The following PTGER3 variants were observed in gnomAD, a reference collection of about 807,000 sequenced individuals.
PTGER3 encodes prostaglandin E2 receptor EP3 subtype.
A neutral mutation model predicts 34.7 loss-of-function variants in PTGER3; 22 were observed. The ratio of observed to expected loss-of-function variants is 0.63; its 90% CI spans 0.45 to 0.91. PTGER3 has a LOEUF of 0.91. Ranked by LOEUF, PTGER3 falls within the 40% of genes least tolerant of loss-of-function variation. The pLI is 0.00. For missense variants in PTGER3, 468 were observed against 519.4 expected, an observed-to-expected ratio of 0.90 and a Z score of 0.96; for synonymous variants, 241 against 230.1, an observed-to-expected ratio of 1.05 and a Z score of -0.43.
intron 2 of PTGER3, among the ~76,000 whole-genome samples, chr1:70,999,049 G>A (rs1434860214): frequency 2.0e-5 from 3 of 152,024 alleles, no homozygotes; most frequent in Non-Finnish European, 2.9e-5. Flanking sequence ...GCGTGGTGGC[G>A]GGCGCCTGTA....
At chr1:70,925,535 G>C (rs1647984526) in intron 4 of PTGER3, among the ~76,000 whole-genome samples, 1 of 152,110 alleles carries the variant, frequency 6.6e-6, no homozygotes, top group African/African-American at 2.4e-5. Flanking sequence ...ATCAAAAAGA[G>C]AGTAGACAAA....
chr1:71,047,727 C>T lies in PTGER3; in HGVS notation c.-150G>A. Reference sequence around the variant, plus strand: ...GGGGCGCAGCCGCCGCCCTACTCCGCTGCTGGGACCGCGGCCGCGGCGGCG... The same window carrying T: ...GGGGCGCAGCCGCCGCCCTACTCCGTTGCTGGGACCGCGGCCGCGGCGGCG... On this transcript the variant is annotated 5_prime_UTR_variant, in exon 1 of 4. Transcript: ENST00000306666. 1 of 808,962 alleles carries T rather than the reference C, an allele frequency of 1.2e-6. No homozygotes were observed. The highest frequency in any genetic ancestry group is 1.7e-6 in the Non-Finnish European group (1 of 598,208). The allele number at this position is 808,962 out of a possible 1,614,324, so 50.1% of individuals were successfully genotyped here.
At chr1:70,898,013 G>A (rs1050342292) in intron 4 of PTGER3, among the ~76,000 whole-genome samples, 2 of 145,378 alleles carry the variant, frequency 1.4e-5, no homozygotes, top group Non-Finnish European at 3.0e-5. Context: ...AAAAAAAAAA[G>A]TGAGGGTTGG....
intron 4 of PTGER3, among the ~76,000 whole-genome samples, chr1:70,858,448 T>C (rs770345381): frequency 5.3e-5 from 8 of 152,178 alleles, no homozygotes; most frequent in Non-Finnish European, 1.2e-4. Flanking sequence ...TTTCCTATTA[T>C]TAATAAAGAC....
chr1:70,966,767 A>G (rs1652566019), downstream of PTGER3, among the ~76,000 whole-genome samples: 1 of 152,138 alleles, frequency 6.6e-6, no homozygotes, highest in Non-Finnish European at 1.5e-5. Context: ...TGTCCCTGCA[A>G]AGGACATGAT....
At chr1:70,878,113 G>T (rs374044180) in intron 4 of PTGER3, among the ~76,000 whole-genome samples, 1 of 152,036 alleles carries the variant, frequency 6.6e-6, no homozygotes, top group Non-Finnish European at 1.5e-5. Flanking sequence ...GGCTTCTTCT[G>T]GTTGGTAGGC....
chr1:71,000,142 A>G (rs1435458681), intron 2 of PTGER3, among the ~76,000 whole-genome samples: 1 of 152,356 alleles, frequency 6.6e-6, no homozygotes, highest in East Asian at 1.9e-4. Flanking sequence ...ACCCTCGAAG[A>G]TAAACTTGAA....
intron 2 of PTGER3, among the ~76,000 whole-genome samples, chr1:71,004,582 G>T (rs1215739430): frequency 6.6e-6 from 1 of 152,236 alleles, no homozygotes; most frequent in Non-Finnish European, 1.5e-5. Context: ...CCTTCGGAGA[G>T]AATTGTCTGG....
intron 2 of PTGER3, among the ~76,000 whole-genome samples, chr1:70,989,007 T>C (rs1655184356): frequency 6.6e-6 from 1 of 152,158 alleles, no homozygotes; most frequent in Non-Finnish European, 1.5e-5. Context: ...AGTTCCATGA[T>C]AATTTCAAAT....
intron 2 of PTGER3, among the ~76,000 whole-genome samples, chr1:70,981,934 A>C (rs768599671): frequency 6.6e-6 from 1 of 152,100 alleles, no homozygotes; most frequent in Non-Finnish European, 1.5e-5. Context: ...ATCCTCACTC[A>C]GAATGGGCTC....
At chr1:70,858,879 A>G (rs1189982426) in intron 4 of PTGER3, among the ~76,000 whole-genome samples, 1 of 152,250 alleles carries the variant, frequency 6.6e-6, no homozygotes, top group Admixed American at 6.5e-5. Flanking sequence ...GCAAAATGCT[A>G]TAGAAATAAT....
downstream of PTGER3, chr1:70,951,611 A>G (rs1474595055): frequency 2.6e-5 from 4 of 152,238 alleles, no homozygotes; most frequent in East Asian, 1.9e-4. Flanking sequence ...AAGGAAAAGA[A>G]TAACAATATT....
chr1:70,994,019 G>C (rs1655701521), intron 2 of PTGER3, among the ~76,000 whole-genome samples: 2 of 152,104 alleles, frequency 1.3e-5, no homozygotes, highest in African/African-American at 2.4e-5. Context: ...AAAAGGGCTG[G>C]GAGCAAGGAT....
chr1:71,047,009 A>C lies in PTGER3; in HGVS notation c.569T>G (p.Leu190Arg). 1 of 1,611,274 alleles carries C rather than the reference A, an allele frequency of 6.2e-7. No individual in the cohort carries two copies. The highest frequency in any genetic ancestry group is 8.5e-7 in the Non-Finnish European group (1 of 1,179,086). The change falls in exon 1 of 4, where the codon CTG becomes CGG. Residue 190 changes from leucine to arginine, a missense_variant. Leu to Arg is a moderately radical substitution (Grantham distance 102). Coordinates refer to ENST00000306666, the MANE Select transcript of PTGER3 (RefSeq NM_198719.2). ...CTGGCCCACGCCCAGCACCGGCAGC[A>C]GGGCGAAGGCGAGCACGGCCAGCCA... is the stretch of plus-strand genomic sequence containing the variant. ...GVWLAVLAFALLPVLGVGQYT... is the reference protein window; with the variant it reads ...GVWLAVLAFARLPVLGVGQYT...
intron 4 of PTGER3, among the ~76,000 whole-genome samples, chr1:70,885,719 A>G (rs1391493255): frequency 6.6e-6 from 1 of 152,156 alleles, no homozygotes; most frequent in Admixed American, 6.5e-5. Context: ...CCAAGCTCAC[A>G]GTCTAGCTGA....
chr1:71,039,348 GA>G (rs1311605960), intron 1 of PTGER3, among the ~76,000 whole-genome samples: 1 of 151,988 alleles, frequency 6.6e-6, no homozygotes, highest in Non-Finnish European at 1.5e-5. Flanking sequence ...CAGGGGGAGG[GA>G]AGGAGGGATG....
At chr1:70,886,310 A>G (rs1352274479) in intron 4 of PTGER3, 1 of 451,114 alleles carries the variant, frequency 2.2e-6, no homozygotes, top group African/African-American at 2.0e-5. Context: ...CCTGATCCTG[A>G]ACTTGCCGGC....
At position 70,902,384 on chromosome 1, in the gene PTGER3, T is replaced by C. The variant is rs116122902; in HGVS notation, c.*24-49525A>G. Reference sequence around the variant, plus strand: ...ACCTCTGCTGAAAAGGTACCACATGTCTGGCAACTGGCCATAGGCAGTAGG... The same window carrying C: ...ACCTCTGCTGAAAAGGTACCACATGCCTGGCAACTGGCCATAGGCAGTAGG... On this transcript the variant is annotated intron_variant, in intron 4 of 4. Coordinates refer to the PTGER3 transcript ENST00000370931. Among the ~76,000 whole-genome samples, 929 of 152,304 alleles carry C rather than the reference T, an allele frequency of 6.1e-3. 4 individuals carry two copies. The highest frequency in any genetic ancestry group is 0.021 in the African/African-American group (876 of 41,558).
chr1:71,036,971 T>C (rs907692457), intron 1 of PTGER3, among the ~76,000 whole-genome samples: 1 of 144,352 alleles, frequency 6.9e-6, no homozygotes, highest in African/African-American at 2.6e-5. Context: ...TTTGAGTCCA[T>C]GTACTCACTC....
Sources: allele counts gnomAD v4.1 joint callset (sites outside exome capture counted in the v4.1 genomes callset), GRCh38; gene constraint gnomAD v4.1.1; transcripts MANE v1.5; gene names NCBI Gene and HGNC (gene_info 2026-07-23, HGNC 2026-07-21).